ANGPT1: variants seen among roughly 807,000 people sequenced by gnomAD.
The protein encoded by ANGPT1 is angiopoietin 1, also known as angiopoietin-1.
ANGPT1 carries 17 observed loss-of-function variants against 62.2 expected under a neutral mutation model. The observed-to-expected ratio is 0.27, with a 90% CI of 0.19 to 0.41. The LOEUF (loss-of-function observed/expected upper bound fraction) is 0.41, where lower values mean the gene tolerates loss of function less well. ANGPT1 is among the 10% of genes least tolerant of loss of function. The pLI is 1.00. For synonymous variants in ANGPT1, 199 were observed against 198.9 expected (o/e 1.00, Z 0.00); for missense variants, 478 against 594.9 (o/e 0.80, Z 2.04).
intron 1 of ANGPT1, among the ~76,000 whole-genome samples, chr8:107,453,168 C>G (rs1354718734): frequency 6.6e-6 from 1 of 152,042 alleles, no homozygotes; most frequent in East Asian, 1.9e-4. Flanking sequence ...CACAGATTAT[C>G]TGAAGTATTA....
chr8:107,362,795 G>A (rs1816193035), intron 1 of ANGPT1, among the ~76,000 whole-genome samples: 1 of 151,806 alleles, frequency 6.6e-6, no homozygotes, highest in Admixed American at 6.6e-5. Context: ...TTTTTTTTCT[G>A]TAAAAAAGGA....
chr8:107,398,186 G>A (rs1396830375), intron 1 of ANGPT1, among the ~76,000 whole-genome samples: 2 of 152,096 alleles, frequency 1.3e-5, no homozygotes, highest in Non-Finnish European at 2.9e-5. Flanking sequence ...AGTAGAAACA[G>A]TTTTTACAAA....
At chr8:107,303,801 A>C (rs2129982444) in intron 4 of ANGPT1, among the ~76,000 whole-genome samples, 1 of 152,022 alleles carries the variant, frequency 6.6e-6, no homozygotes, top group African/African-American at 2.4e-5. Flanking sequence ...GGAAGACATG[A>C]AGATAAATTC....
chr8:107,427,261 G>A (rs1486487925), intron 1 of ANGPT1, among the ~76,000 whole-genome samples: 1 of 152,142 alleles, frequency 6.6e-6, no homozygotes, highest in East Asian at 1.9e-4. Context: ...GGGCTGCCTA[G>A]GGGCCAGGGC....
intron 1 of ANGPT1, among the ~76,000 whole-genome samples, chr8:107,391,832 T>C (rs1181385252): frequency 6.6e-6 from 1 of 152,188 alleles, no homozygotes; most frequent in African/African-American, 2.4e-5. Flanking sequence ...TGGTAGGCAA[T>C]TGTAACATAG....
chr8:107,413,873 G>A (rs1398502017), intron 1 of ANGPT1, among the ~76,000 whole-genome samples: 1 of 152,008 alleles, frequency 6.6e-6, no homozygotes, highest in East Asian at 1.9e-4. Context: ...GAAGGAGGAT[G>A]GAATTTAGAG....
At chr8:107,345,377 G>A (rs966628393) in intron 2 of ANGPT1, among the ~76,000 whole-genome samples, 29 of 151,992 alleles carry the variant, frequency 1.9e-4, no homozygotes, top group African/African-American at 5.1e-4. Flanking sequence ...TACATAGCAC[G>A]CATCTTAACA....
intron 4 of ANGPT1, among the ~76,000 whole-genome samples, chr8:107,304,497 C>T (rs1032560447): frequency 1.3e-5 from 2 of 151,480 alleles, no homozygotes; most frequent in African/African-American, 4.8e-5. Flanking sequence ...ATAAAAATAA[C>T]AAAGGCAAAC....
rs1815821278 is a variant in ANGPT1, at chr8:107,347,062, C to G, written c.333G>C (p.Glu111Asp). 1 of 1,613,686 alleles carries G rather than the reference C, an allele frequency of 6.2e-7. No homozygotes were observed. Among genetic ancestry groups the G allele is most frequent in the Non-Finnish European group, 8.5e-7 (1 of 1,179,760 alleles). Reference protein sequence around the residue: ...ENYIVENMKSEMAQIQQNAVQ... With the variant: ...ENYIVENMKSDMAQIQQNAVQ... ...CTGCATTCTGCTGTATCTGGGCCATCTCCGACTTCATGTTTTCCACAATGT... is the reference window on the plus strand; with the variant it reads ...CTGCATTCTGCTGTATCTGGGCCATGTCCGACTTCATGTTTTCCACAATGT... The change falls in exon 2 of 9, where the codon GAG becomes GAC. Residue 111 changes from glutamate (E) to aspartate (D), a missense_variant. Around this residue, in one of 4 missense-constraint regions of ANGPT1, gnomAD observed 343 missense variants for 355.4 expected, o/e 0.97. Coordinates refer to ENST00000517746, the MANE Select transcript of ANGPT1 (RefSeq NM_001146.5).
At chr8:107,448,863 G>A (rs1432444614) in intron 1 of ANGPT1, among the ~76,000 whole-genome samples, 1 of 152,134 alleles carries the variant, frequency 6.6e-6, no homozygotes, top group Non-Finnish European at 1.5e-5. Flanking sequence ...AGAACTATAT[G>A]CAAAGAGTTA....
At chr8:107,307,846 A>G (rs907008689) in intron 4 of ANGPT1, among the ~76,000 whole-genome samples, 29 of 152,280 alleles carry the variant, frequency 1.9e-4, no homozygotes, top group African/African-American at 6.3e-4. Context: ...TCATATATCT[A>G]CTTGCCTGTT....
chr8:107,479,219 T>A lies in ANGPT1; in HGVS notation c.297+18043A>T, dbSNP rs1049517105. ...TACCAAATAAATAATACCTATTGTT[T>A]CCTGTGTTCCTGCTATGGTGGCTGC... On this transcript the variant is annotated intron_variant, in intron 1 of 8. Coordinates refer to ENST00000517746, the MANE Select transcript of ANGPT1 (RefSeq NM_001146.5). 2.6e-5 allele frequency among the ~76,000 whole-genome samples: 4 copies of A among 152,152 alleles called. No homozygotes were observed. The East Asian group carries it at 7.7e-4, about 29-fold the overall frequency.
At chr8:107,415,697 A>T (rs553051342) in intron 1 of ANGPT1, among the ~76,000 whole-genome samples, 4 of 152,334 alleles carry the variant, frequency 2.6e-5, no homozygotes, top group Admixed American at 2.6e-4. Context: ...AAAAGGTCAC[A>T]ACTTAGCCCC....
At chr8:107,402,697 T>C (rs1416115378) in intron 1 of ANGPT1, among the ~76,000 whole-genome samples, 2 of 152,176 alleles carry the variant, frequency 1.3e-5, no homozygotes, top group East Asian at 1.9e-4. Context: ...AGAAACCTAA[T>C]TGATGGGTAG....
rs559503846 is a variant in ANGPT1 at position 107,367,622 on chromosome 8, T to C, written c.298-20525A>G. ...CTGTTTGGTAGTATTGTAACCACAG[T>C]AGAACTTTTTCAAAATGGGACTCAA... On this transcript the variant is annotated intron_variant, in intron 1 of 8. Coordinates refer to ENST00000517746, the MANE Select transcript of ANGPT1 (RefSeq NM_001146.5). Among the ~76,000 whole-genome samples the C allele has an allele frequency of 1.2e-4, 18 of 152,296 alleles. No individual in the cohort carries two copies. The South Asian group carries it at 2.1e-3, about 18-fold the overall frequency.
chr8:107,393,181 G>A (rs909010143), intron 1 of ANGPT1, among the ~76,000 whole-genome samples: 1 of 152,050 alleles, frequency 6.6e-6, no homozygotes, highest in Non-Finnish European at 1.5e-5. Flanking sequence ...TTTTTAAGCT[G>A]TAACTATTTA....
chr8:107,362,573 A>C (rs1816188143), intron 1 of ANGPT1, among the ~76,000 whole-genome samples: 1 of 152,054 alleles, frequency 6.6e-6, no homozygotes, highest in Non-Finnish European at 1.5e-5. Flanking sequence ...TATCATCATC[A>C]TTATCTCCAG....
intron 4 of ANGPT1, among the ~76,000 whole-genome samples, chr8:107,317,576 G>A (rs1337240484): frequency 6.6e-6 from 1 of 151,168 alleles, no homozygotes; most frequent in Non-Finnish European, 1.5e-5. Context: ...TGCTCAACAT[G>A]AGATGACATT....
chr8:107,367,969 T>A (rs913759256), intron 1 of ANGPT1, among the ~76,000 whole-genome samples: 1 of 152,190 alleles, frequency 6.6e-6, no homozygotes, highest in East Asian at 1.9e-4. Flanking sequence ...TTGTGTTAAT[T>A]TGGATATTTT....
Sources: allele counts gnomAD v4.1 joint callset (sites outside exome capture counted in the v4.1 genomes callset), GRCh38; gene constraint gnomAD v4.1.1; regional missense constraint gnomAD v4.1.1; transcripts MANE v1.5; gene names NCBI Gene and HGNC (gene_info 2026-07-23, HGNC 2026-07-21).